The following KCNQ1 variants were observed in gnomAD, a reference collection of about 807,000 sequenced individuals.
The protein encoded by KCNQ1 is potassium voltage-gated channel subfamily KQT member 1.
A neutral mutation model predicts 72.4 loss-of-function variants in KCNQ1; 49 were observed. That is an observed-to-expected ratio of 0.68 (90% CI 0.54 to 0.86). The LOEUF (loss-of-function observed/expected upper bound fraction) is 0.86. Among genes scored for constraint, KCNQ1 ranks in the 40% least tolerant of loss-of-function variants. KCNQ1 has a pLI of 0.00. For missense variants in KCNQ1, 790 were observed against 945.1 expected (o/e 0.84, Z 2.15); for synonymous variants, 450 against 412.6 (o/e 1.09, Z -1.10).
rs1848801617 is a variant in KCNQ1, at chr11:2,601,119, G to A, written c.1393+12265G>A. Among the ~76,000 whole-genome samples, 1 of 149,872 alleles carries A rather than the reference G, an allele frequency of 6.7e-6. No homozygotes were observed. On this transcript the variant is annotated intron_variant, in intron 10 of 15. Transcript: ENST00000155840. The surrounding 1 kb of genome is among the most constrained non-coding windows in gnomAD (Gnocchi z 5.2). Reference sequence around the variant, plus strand: ...AAAAAAAGTCTCTCCAGATTTAAATGCTTTTGGAAACCAGGCTTTACTGTG... The same window carrying A: ...AAAAAAAGTCTCTCCAGATTTAAATACTTTTGGAAACCAGGCTTTACTGTG...
chr11:2,780,604 T>A (rs1304916370), intron 15 of KCNQ1, among the ~76,000 whole-genome samples: 2 of 152,102 alleles, frequency 1.3e-5, no homozygotes, highest in Non-Finnish European at 2.9e-5. Flanking sequence ...AGCTGGGCTG[T>A]GCAGTGAGTC....
In KCNQ1 at chr11:2,568,086, T is replaced by C. The variant is rs560642936; in HGVS notation, c.478-2542T>C. Among the ~76,000 whole-genome samples the C allele has an allele frequency of 4.8e-4, 73 of 152,138 alleles. 1 individual carries two copies. The South Asian group carries it at 0.014, about 30-fold the overall frequency. On this transcript the variant is annotated intron_variant, in intron 2 of 15. Coordinates refer to ENST00000155840, the MANE Select transcript of KCNQ1 (RefSeq NM_000218.3). ...GAGTTCCAGACCAGCCTGGCCAACA[T>C]GGCAAAACCCCATCTCTACTAAAAA...
At chr11:2,699,261 C>A in intron 11 of KCNQ1, 1 of 398,816 alleles carries the variant, frequency 2.5e-6, no homozygotes, top group Non-Finnish European at 4.4e-6. Flanking sequence ...GATGGGAGCG[C>A]ACTGCCCAGG....
At chr11:2,845,897 C>T (rs1166991894) in intron 15 of KCNQ1, among the ~76,000 whole-genome samples, 1 of 152,196 alleles carries the variant, frequency 6.6e-6, no homozygotes, top group African/African-American at 2.4e-5. Flanking sequence ...CCGCCTCTTC[C>T]TTAGCCTGCT....
chr11:2,848,042 G>A lies in KCNQ1; in HGVS notation c.*39G>A, dbSNP rs1209814769. ...CTGGGGGATGGGCCTGAGTGAGAGG[G>A]GAGGCCAAGAGTGGCCCCACCTGGC... On this transcript the variant is annotated 3_prime_UTR_variant, in exon 16 of 16. Coordinates refer to ENST00000155840, the MANE Select transcript of KCNQ1 (RefSeq NM_000218.3). 1.3e-6 allele frequency: 2 copies of A among 1,506,566 alleles called. No individual in the cohort carries two copies. The highest frequency in any genetic ancestry group is 1.8e-6 in the Non-Finnish European group (2 of 1,116,108). The allele number at this position is 1,506,566 out of a possible 1,614,324, so 93.3% of individuals were successfully genotyped here.
rs181985362 is a variant in KCNQ1 at position 2,453,145 on chromosome 11, G to A, written c.386+7661G>A. On this transcript the variant is annotated intron_variant, in intron 1 of 15. Transcript: ENST00000155840. ...TCCCAGCACTTTGGGAGGCCAAGGCGGGCGGATCACCTTAGGTCGGGAGTT... is the reference window on the plus strand; with the variant it reads ...TCCCAGCACTTTGGGAGGCCAAGGCAGGCGGATCACCTTAGGTCGGGAGTT... Among the ~76,000 whole-genome samples, 648 of 152,326 alleles carry A rather than the reference G, an allele frequency of 4.3e-3. 9 individuals are homozygous for A. The highest frequency in any genetic ancestry group is 0.014 in the African/African-American group (580 of 41,576).
intron 10 of KCNQ1, chr11:2,649,818 T>A (rs1849730174): frequency 2.5e-6 from 1 of 398,580 alleles, no homozygotes; most frequent in East Asian, 3.6e-5. Flanking sequence ...GAGCTTCCTT[T>A]ATCTGTTAGT....
intron 15 of KCNQ1, among the ~76,000 whole-genome samples, chr11:2,812,117 A>AC (rs979657925): frequency 1.3e-5 from 2 of 151,642 alleles, no homozygotes; most frequent in African/African-American, 4.9e-5. Context: ...CCCTGCACTG[A>AC]CCCCCAGACC....
At chr11:2,696,766 C>G in intron 11 of KCNQ1, 1 of 398,516 alleles carries the variant, frequency 2.5e-6, no homozygotes, top group South Asian at 1.3e-4. Context: ...CCATAAAAGT[C>G]GTCGTCTTTG....
rs529134078 is a variant in KCNQ1, at chr11:2,549,737, T to TG, written c.478-20885dup. ...TCCCCAGGCCTGGTGTGGGGGTGCC[T>TG]GGGGGGCAGTGGACGTGAGCAGCAG... On this transcript the variant is annotated intron_variant, in intron 2 of 15. Transcript: ENST00000155840. The surrounding 1 kb of genome is among the most constrained non-coding windows in gnomAD (Gnocchi z 6.2). Among the ~76,000 whole-genome samples, 38 of 151,290 alleles carry TG rather than the reference T, an allele frequency of 2.5e-4. No homozygotes were observed. The highest frequency in any genetic ancestry group is 5.0e-4 in the Non-Finnish European group (34 of 67,388).
intron 15 of KCNQ1, among the ~76,000 whole-genome samples, chr11:2,845,967 C>G (rs1316736518): frequency 1.3e-5 from 2 of 152,184 alleles, no homozygotes; most frequent in Non-Finnish European, 2.9e-5. Context: ...GAAGCTGGCC[C>G]GGGTCCACCC....
At position 2,654,715 on chromosome 11, in the gene KCNQ1, A is replaced by T. The variant is rs1369672104; in HGVS notation, c.1394-7246A>T. The T allele has an allele frequency of 2.5e-6, 1 of 398,566 alleles. No individual in the cohort carries two copies. The highest frequency in any genetic ancestry group is 4.4e-6 in the Non-Finnish European group (1 of 226,222). 24.7% of individuals were successfully genotyped at this position (398,566 alleles called of 1,614,324 possible). ...GTCATAGGCTGGACTTGGGGCTTGAATGCTGACCTAATCTGGGCAGGGAGG... is the reference window on the plus strand; with the variant it reads ...GTCATAGGCTGGACTTGGGGCTTGATTGCTGACCTAATCTGGGCAGGGAGG... On this transcript the variant is annotated intron_variant, in intron 10 of 15. Transcript: ENST00000155840. This position sits in a 1 kb window ranked among gnomAD's most constrained non-coding sequence, Gnocchi z 6.4.
In KCNQ1 at chr11:2,651,929, T is replaced by C. The variant is rs971811085; in HGVS notation, c.1394-10032T>C. 5 of 398,584 alleles carry C rather than the reference T, an allele frequency of 1.3e-5. No individual in the cohort carries two copies. Among genetic ancestry groups the C allele is most frequent in the African/African-American group, 4.1e-5 (2 of 48,628 alleles). The allele number at this position is 398,584 out of a possible 1,614,324, so 24.7% of individuals were successfully genotyped here. On this transcript the variant is annotated intron_variant, in intron 10 of 15. Coordinates refer to ENST00000155840, the MANE Select transcript of KCNQ1 (RefSeq NM_000218.3). This position sits in a 1 kb window ranked among gnomAD's most constrained non-coding sequence, Gnocchi z 6.1. ...CTGGGGCCGCTTGCTCTCCTCCTAC[T>C]CACAGCCCTCCTGCAGCCAGCAGCA...
At position 2,543,543 on chromosome 11, in the gene KCNQ1, G is replaced by A. The variant is rs968385897; in HGVS notation, c.477+15525G>A. On this transcript the variant is annotated intron_variant, in intron 2 of 15. Coordinates refer to ENST00000155840, the MANE Select transcript of KCNQ1 (RefSeq NM_000218.3). The surrounding 1 kb of genome is among the most constrained non-coding windows in gnomAD (Gnocchi z 5.6). ...CTTGCCTCGGCCTCCCAAAGCGCTG[G>A]AATTACAGGTGTGAGCCACTGCTCC... 1.3e-5 allele frequency among the ~76,000 whole-genome samples: 2 copies of A among 152,166 alleles called. No individual in the cohort carries two copies. The highest frequency in any genetic ancestry group is 2.9e-5 in the Non-Finnish European group (2 of 68,040).
Position 2,698,740 on chromosome 11 carries a change from A to G in KCNQ1, c.1514+36659A>G. On this transcript the variant is annotated intron_variant, in intron 11 of 15. Transcript: ENST00000155840. The surrounding 1 kb of genome is among the most constrained non-coding windows in gnomAD (Gnocchi z 5.1). ...AGTCGCCAACTCGGACCTCCCTTGG[A>G]TCTCAACTCAGAGCCATGATGCAGA... The G allele has an allele frequency of 2.5e-6, 1 of 398,710 alleles. No individual in the cohort carries two copies. Among genetic ancestry groups the G allele is most frequent in the Non-Finnish European group, 4.4e-6 (1 of 226,152 alleles). 24.7% of individuals were successfully genotyped at this position (398,710 alleles called of 1,614,324 possible).
In KCNQ1 at chr11:2,621,987, T is replaced by A. The variant is rs1024837185; in HGVS notation, c.1393+33133T>A. On this transcript the variant is annotated intron_variant, in intron 10 of 15. Coordinates refer to ENST00000155840, the MANE Select transcript of KCNQ1 (RefSeq NM_000218.3). The surrounding 1 kb of genome is among the most constrained non-coding windows in gnomAD (Gnocchi z 5.7). The stretch of plus-strand genomic sequence containing the variant: ...GCTATTTGAAATATCTCTTCTTTTT[T>A]AATGTAGGCAAGGCATTTATTGCTG... The A allele has an allele frequency of 1.8e-5, 7 of 398,286 alleles. No individual in the cohort carries two copies. The highest frequency in any genetic ancestry group is 3.1e-5 in the Non-Finnish European group (7 of 225,976). 24.7% of individuals were successfully genotyped at this position (398,286 alleles called of 1,614,324 possible).
At chr11:2,524,333 T>C (rs80069944) in intron 1 of KCNQ1, among the ~76,000 whole-genome samples, 3,018 of 152,234 alleles carry the variant, frequency 0.02, 109 homozygotes, top group African/African-American at 0.069. Flanking sequence ...CCATGCCGGG[T>C]CAGGGAACCA....
At chr11:2,583,571 C>T (rs1848538813) in intron 7 of KCNQ1, 26 bp downstream of exon 7, 1 of 1,528,058 alleles carries the variant, frequency 6.5e-7, no homozygotes, top group Non-Finnish European at 9.1e-7. Flanking sequence ...GTGCGTTTTC[C>T]CTGGCTCCTT....
intron 2 of KCNQ1, among the ~76,000 whole-genome samples, chr11:2,548,353 A>G (rs1403816190): frequency 6.6e-6 from 1 of 152,246 alleles, no homozygotes; most frequent in African/African-American, 2.4e-5. Flanking sequence ...GCAGAAGAAA[A>G]TACAGCAGAA....
Sources: gnomAD v4.1 joint callset for allele counts (sites outside exome capture counted in the v4.1 genomes callset) on GRCh38, gnomAD v4.1.1 for gene constraint, Gnocchi (gnomAD v3.1) non-coding constraint, MANE v1.5 for transcripts, NCBI Gene and HGNC (gene_info 2026-07-23, HGNC 2026-07-21) for gene names.